ATPAF2: variants seen among roughly 807,000 people sequenced by gnomAD.
ATPAF2 encodes the protein ATP12 homolog.
A neutral mutation model predicts 36.6 loss-of-function variants in ATPAF2; 30 were observed. That is an observed-to-expected ratio of 0.82 (90% CI 0.61 to 1.11). The LOEUF (loss-of-function observed/expected upper bound fraction) is 1.11. Among genes scored for constraint, ATPAF2 ranks in the 50% most tolerant of loss-of-function variants. The pLI, the probability that ATPAF2 is intolerant of heterozygous loss-of-function variation, is 0.00. For missense variants in ATPAF2, 321 were observed against 372.3 expected, an observed-to-expected ratio of 0.86 and a Z score of 1.13; for synonymous variants, 140 against 152.6, an observed-to-expected ratio of 0.92 and a Z score of 0.61.
intron 5 of ATPAF2, among the ~76,000 whole-genome samples, chr17:18,024,391 T>C (rs1414634677): frequency 1.3e-5 from 2 of 152,186 alleles, no homozygotes; most frequent in African/African-American, 2.4e-5. Context: ...CTACACTTCA[T>C]GAACCGCTAC....
downstream of ATPAF2, chr17:18,015,855 A>C (rs959939563): frequency 3.7e-6 from 2 of 543,742 alleles, no homozygotes; most frequent in Non-Finnish European, 6.5e-6. Flanking sequence ...CCCTTTCCCC[A>C]CAACACCTGC....
chr17:18,028,589 A>AATT, intron 2 of ATPAF2, 26 bp downstream of exon 2: 2 of 1,474,750 alleles, frequency 1.4e-6, no homozygotes, highest in Non-Finnish European at 1.9e-6. Flanking sequence ...AAAAAAAAAG[A>AATT]GGCAGTCAAA....
downstream of ATPAF2, among the ~76,000 whole-genome samples, chr17:18,017,832 G>C (rs375370002): frequency 1.1e-3 from 160 of 152,352 alleles, 2 homozygotes; most frequent in South Asian, 0.032. Flanking sequence ...TGGGACACTA[G>C]AGGTGGCTAT....
Position 18,018,440 on chromosome 17 carries a change from C to A in ATPAF2, c.*109G>T. 1 of 1,487,924 alleles carries A rather than the reference C, an allele frequency of 6.7e-7. No individual in the cohort carries two copies. Among genetic ancestry groups the A allele is most frequent in the South Asian group, 1.1e-5 (1 of 88,000 alleles). The allele number at this position is 1,487,924 out of a possible 1,614,324, so 92.2% of individuals were successfully genotyped here. ...GGGAATCTCAGGGTGACGCTGAGGCCGAGTCCCCAAAAGCCAAGGAAGCCA... is the reference window on the plus strand; with the variant it reads ...GGGAATCTCAGGGTGACGCTGAGGCAGAGTCCCCAAAAGCCAAGGAAGCCA... On this transcript the variant is annotated 3_prime_UTR_variant, in exon 8 of 8. Coordinates refer to ENST00000474627, the MANE Select transcript of ATPAF2 (RefSeq NM_145691.4).
chr17:18,037,316 G>A (rs973522624), intron 1 of ATPAF2, among the ~76,000 whole-genome samples: 3 of 151,676 alleles, frequency 2.0e-5, no homozygotes, highest in East Asian at 2.0e-4. Context: ...TTGGCTGGGC[G>A]CGGTGGCTCA....
At chr17:18,020,964 T>A in intron 7 of ATPAF2, 159 bp downstream of exon 7, 1 of 1,439,304 alleles carries the variant, frequency 6.9e-7, no homozygotes, top group South Asian at 1.4e-5. Flanking sequence ...CCAGGCCTAC[T>A]TGACAATACT....
chr17:18,019,185 ACC>A (rs1491115894), intron 7 of ATPAF2, among the ~76,000 whole-genome samples: 3 of 146,238 alleles, frequency 2.1e-5, no homozygotes, highest in Admixed American at 6.8e-5. Context: ...ACACACACAC[ACC>A]CCACCACCCC....
Position 18,038,989 on chromosome 17 carries a change from G to A in ATPAF2, c.25C>T (p.Arg9Trp), listed in dbSNP as rs1468502340. 1.2e-6 allele frequency: 2 copies of A among 1,608,572 alleles called. No homozygotes were observed. The highest frequency in any genetic ancestry group is 1.3e-5 in the African/African-American group (1 of 74,928). The change falls in exon 1 of 8, where the codon CGG (arginine) becomes TGG (tryptophan). Residue 9 changes from arginine to tryptophan, a missense_variant. By Grantham distance (101) the Arg-to-Trp change is moderately radical (BLOSUM62 -3). This residue lies in a region of ATPAF2 where 69 missense variants were observed against 60.1 expected (regional missense o/e 1.15). Coordinates refer to ENST00000474627, the MANE Select transcript of ATPAF2 (RefSeq NM_145691.4). Reference sequence around the variant, plus strand: ...TTCAGGAGACGGCGTCCCCCGTCCCGCAGCCGGAGGCAGCTCCTCCACATC... The same window carrying A: ...TTCAGGAGACGGCGTCCCCCGTCCCACAGCCGGAGGCAGCTCCTCCACATC... MWRSCLRL[R>W]DGGRRLLNRP...
intron 1 of ATPAF2, among the ~76,000 whole-genome samples, chr17:18,035,274 T>C (rs2044688792): frequency 6.6e-6 from 1 of 152,014 alleles, no homozygotes; most frequent in African/African-American, 2.4e-5. Flanking sequence ...TAAAACATTA[T>C]GCTAAGTGAA....
chr17:18,035,957 C>T (rs147095426), intron 1 of ATPAF2, among the ~76,000 whole-genome samples: 2 of 152,222 alleles, frequency 1.3e-5, no homozygotes, highest in Non-Finnish European at 2.9e-5. Context: ...CAGCCAGATA[C>T]GCTGAATAGA....
chr17:18,018,830 G>A (rs2044424122), intron 7 of ATPAF2, 144 bp from the exon 8 acceptor site: 4 of 1,243,596 alleles, frequency 3.2e-6, no homozygotes, highest in Non-Finnish European at 3.4e-6. Flanking sequence ...CTAGGGGGAG[G>A]TGGCAGGTAA....
Position 18,021,750 on chromosome 17 carries a change from A to G in ATPAF2, c.611T>C (p.Leu204Ser), listed in dbSNP as rs1366319460. The G allele has an allele frequency of 5.0e-6, 8 of 1,613,830 alleles. No individual in the cohort carries two copies. In the East Asian group the frequency reaches 1.8e-4, roughly 36 times the overall value. Residue 204 changes from leucine to serine, a missense_variant, in exon 6 of 8, where the codon TTA (leucine) becomes TCA (serine). Physicochemically the swap from Leu to Ser is moderately radical, Grantham distance 145. Coordinates refer to ENST00000474627, the MANE Select transcript of ATPAF2 (RefSeq NM_145691.4). ...SHLASYNTWA[L>S]QGIEFVAAQL... Reference sequence around the variant, plus strand: ...ACAAGAAACTCCATACATGCCTTGTAAAGCCCATGTGTTGTAAGATGCCAG... The same window carrying G: ...ACAAGAAACTCCATACATGCCTTGTGAAGCCCATGTGTTGTAAGATGCCAG...
chr17:18,028,267 G>A lies in ATPAF2; in HGVS notation c.289C>T (p.Gln97Ter). Reference sequence around the variant, plus strand: ...GTGTAGTACTTGATGGTATCCTGCTGGGAATCCCACTCAGTAGCCACTGCA... The same window carrying A: ...GTGTAGTACTTGATGGTATCCTGCTAGGAATCCCACTCAGTAGCCACTGCA... ...AIAVATEWDS[Q>*]QDTIKYYTMH... The change falls in exon 3 of 8, where the codon CAG becomes TAG. Residue 97 changes from glutamine (Q) to a stop codon, truncating the protein, a stop_gained. Coordinates refer to ENST00000474627, the MANE Select transcript of ATPAF2 (RefSeq NM_145691.4). LOFTEE classifies it high-confidence loss of function. 6.2e-7 allele frequency: 1 copy of A among 1,614,154 alleles called. No homozygotes were observed. Among genetic ancestry groups the A allele is most frequent in the Non-Finnish European group, 8.5e-7 (1 of 1,180,026 alleles).
intron 6 of ATPAF2, 186 bp downstream of exon 6, chr17:18,021,559 G>A: frequency 1.5e-6 from 1 of 659,452 alleles, no homozygotes; most frequent in Non-Finnish European, 2.7e-6. Flanking sequence ...AGTCGAAGGT[G>A]GAAAGGTGTG....
At chr17:18,037,888 ACTC>A (rs2044726770) in intron 1 of ATPAF2, among the ~76,000 whole-genome samples, 1 of 151,892 alleles carries the variant, frequency 6.6e-6, no homozygotes, top group African/African-American at 2.4e-5. Context: ...TTTTTGCTGA[ACTC>A]CTACTCATCT....
intron 1 of ATPAF2, among the ~76,000 whole-genome samples, chr17:18,030,333 A>G (rs1445589603): frequency 6.9e-6 from 1 of 144,248 alleles, no homozygotes; most frequent in Non-Finnish European, 1.5e-5. Flanking sequence ...AAAAAAAAAA[A>G]AAAAAAAAAA....
intron 3 of ATPAF2, chr17:18,026,895 T>C (rs2044553971): frequency 5.6e-6 from 1 of 179,818 alleles, no homozygotes; most frequent in Non-Finnish European, 1.2e-5. Context: ...CCTTAGAAAG[T>C]AGGGAAATAG....
At chr17:18,016,021 A>C, downstream of ATPAF2, 1 of 1,606,874 alleles carries the variant, frequency 6.2e-7, no homozygotes, top group Non-Finnish European at 8.5e-7. Flanking sequence ...TGTTCACGGT[A>C]TAATGACACA....
intron 1 of ATPAF2, among the ~76,000 whole-genome samples, chr17:18,031,420 A>G (rs951050018): frequency 6.6e-6 from 1 of 152,170 alleles, no homozygotes; most frequent in African/African-American, 2.4e-5. Context: ...TCCCACAAAA[A>G]TATGTGTGTG....
Sources: allele counts gnomAD v4.1 joint callset (sites outside exome capture counted in the v4.1 genomes callset), GRCh38; gene constraint gnomAD v4.1.1; regional missense constraint gnomAD v4.1.1; transcripts MANE v1.5; gene names NCBI Gene and HGNC (gene_info 2026-07-23, HGNC 2026-07-21).